IMMP2L: variants seen among roughly 807,000 people sequenced by gnomAD.
The protein encoded by IMMP2L is inner mitochondrial membrane peptidase subunit 2.
Under a neutral mutation model 19.3 loss-of-function variants are expected in IMMP2L, and 18 were observed. That is an observed-to-expected ratio of 0.93 (90% CI 0.64 to 1.38). The LOEUF is 1.38. IMMP2L is among the 40% of genes most tolerant of loss of function. IMMP2L has a pLI of 0.00. For missense variants in IMMP2L, 233 were observed against 218.2 expected, an observed-to-expected ratio of 1.07 and a Z score of -0.43; for synonymous variants, 76 against 73.0, an observed-to-expected ratio of 1.04 and a Z score of -0.21.
intron 3 of IMMP2L, among the ~76,000 whole-genome samples, chr7:111,428,802 T>C (rs1330096762): frequency 1.3e-5 from 2 of 151,842 alleles, no homozygotes; most frequent in East Asian, 1.9e-4. Flanking sequence ...CAAACAAATA[T>C]GTACATACTC....
In IMMP2L at chr7:111,434,699, G is replaced by A. The variant is rs112573153; in HGVS notation, c.239+52539C>T. 1.9e-4 allele frequency among the ~76,000 whole-genome samples: 29 copies of A among 151,642 alleles called. 1 individual carries two copies. Among genetic ancestry groups the A allele is most frequent in the African/African-American group, 4.4e-4 (18 of 41,096 alleles). ...CAGGATTACAGCTGGGATTACAGGC[G>A]CCTTCCACCATGCCCAGCTAATTTT... On this transcript the variant is annotated intron_variant, in intron 3 of 5. Coordinates refer to ENST00000405709, the MANE Select transcript of IMMP2L (RefSeq NM_032549.4).
At chr7:111,067,376 G>GT (rs553944959) in intron 3 of IMMP2L, among the ~76,000 whole-genome samples, 36 of 152,284 alleles carry the variant, frequency 2.4e-4, no homozygotes, top group African/African-American at 7.9e-4. Context: ...ATAAATAGGC[G>GT]TAACCTCTGC....
At chr7:110,936,113 C>T (rs1450383829) in intron 4 of IMMP2L, among the ~76,000 whole-genome samples, 1 of 152,190 alleles carries the variant, frequency 6.6e-6, no homozygotes, top group Non-Finnish European at 1.5e-5. Context: ...AAAACCTAGG[C>T]AACACTATTC....
At chr7:111,269,005 G>A (rs1369179429) in intron 3 of IMMP2L, among the ~76,000 whole-genome samples, 2 of 152,094 alleles carry the variant, frequency 1.3e-5, no homozygotes, top group Admixed American at 6.6e-5. Context: ...GGTGGAGCAA[G>A]GTCCAGTTAC....
At chr7:111,100,013 C>G (rs2129579797) in intron 3 of IMMP2L, 1 of 151,802 alleles carries the variant, frequency 6.6e-6, no homozygotes, top group Admixed American at 6.6e-5. Flanking sequence ...CATGAGGGAA[C>G]TGAGGCTTGA....
chr7:111,490,285 CT>C (rs768277536), intron 2 of IMMP2L, among the ~76,000 whole-genome samples: 343 of 138,678 alleles, frequency 2.5e-3, no homozygotes, highest in East Asian at 3.3e-3. Flanking sequence ...TTTTTTTTTC[CT>C]TTTTTTTTTT....
chr7:110,743,538 C>T (rs114737523), intron 5 of IMMP2L, among the ~76,000 whole-genome samples: 2,439 of 152,270 alleles, frequency 0.016, 69 homozygotes, highest in African/African-American at 0.056. Context: ...TAGTTCCCAG[C>T]GAGATCGACA....
chr7:111,302,023 C>G (rs952546406), intron 3 of IMMP2L, among the ~76,000 whole-genome samples: 1 of 146,290 alleles, frequency 6.8e-6, no homozygotes, highest in African/African-American at 2.5e-5. Context: ...CTGTACATGA[C>G]TAGATTCACC....
At chr7:111,473,325 C>T (rs1841434916) in intron 3 of IMMP2L, among the ~76,000 whole-genome samples, 2 of 152,028 alleles carry the variant, frequency 1.3e-5, no homozygotes, top group Non-Finnish European at 2.9e-5. Context: ...TCATCTATTC[C>T]AAAGTTATTC....
chr7:110,973,912 G>A (rs1820419157), intron 3 of IMMP2L, among the ~76,000 whole-genome samples: 1 of 152,066 alleles, frequency 6.6e-6, no homozygotes, highest in Non-Finnish European at 1.5e-5. Flanking sequence ...TTTAAAGAAA[G>A]AGTGGGAGAT....
At chr7:111,495,298 C>A (rs1264103661) in intron 2 of IMMP2L, among the ~76,000 whole-genome samples, 1 of 152,020 alleles carries the variant, frequency 6.6e-6, no homozygotes, top group Non-Finnish European at 1.5e-5. Flanking sequence ...TTATAATGAA[C>A]ATATATTTAG....
In IMMP2L at chr7:111,482,810, T is replaced by A. The variant is rs576771000; in HGVS notation, c.239+4428A>T. On this transcript the variant is annotated intron_variant, in intron 3 of 5. Transcript: ENST00000405709. ...AGCAACTGCCATTAACGTTAGTGCT[T>A]CTCTATTGAAAGAGAGTCTGGCATC... Among the ~76,000 whole-genome samples the A allele has an allele frequency of 3.4e-4, 51 of 152,226 alleles. 1 individual carries two copies. The South Asian group carries it at 9.3e-3, about 28-fold the overall frequency.
chr7:111,544,976 C>T (rs1411122979), intron 1 of IMMP2L, among the ~76,000 whole-genome samples: 6 of 151,974 alleles, frequency 3.9e-5, no homozygotes. Context: ...AACCCCAATC[C>T]TCTCTCTTAC....
chr7:111,027,929 A>G (rs1827026883), intron 3 of IMMP2L, among the ~76,000 whole-genome samples: 1 of 152,140 alleles, frequency 6.6e-6, no homozygotes. Flanking sequence ...ACAGACTAGG[A>G]GAAATGATTC....
intron 4 of IMMP2L, among the ~76,000 whole-genome samples, chr7:110,920,285 A>G (rs1248117653): frequency 6.6e-6 from 1 of 152,176 alleles, no homozygotes; most frequent in Non-Finnish European, 1.5e-5. Flanking sequence ...CCTCTAGGGA[A>G]CCCTAATACA....
At chr7:111,292,972 T>C (rs2129732745) in intron 3 of IMMP2L, among the ~76,000 whole-genome samples, 1 of 152,118 alleles carries the variant, frequency 6.6e-6, no homozygotes, top group East Asian at 1.9e-4. Flanking sequence ...ATATGAAGGA[T>C]GAAAGGCTGG....
At chr7:111,084,313 AAAAAAG>A (rs1796125870) in intron 3 of IMMP2L, among the ~76,000 whole-genome samples, 1 of 151,756 alleles carries the variant, frequency 6.6e-6, no homozygotes, top group Admixed American at 6.6e-5. Flanking sequence ...AAAAAAAAAA[AAAAAAG>A]AAAGGAAAAA....
intron 3 of IMMP2L, among the ~76,000 whole-genome samples, chr7:111,304,516 G>GTA (rs1822614315): frequency 6.6e-6 from 1 of 151,678 alleles, no homozygotes; most frequent in Non-Finnish European, 1.5e-5. Context: ...TATAAAATGT[G>GTA]TATATATACA....
rs151289747 is a variant in IMMP2L, at chr7:111,523,639, CT to C, written c.-2-2191del. ...CATAACATTCACCCAAACCAGTAAT[CT>C]TTTTATACCTAATCAAAATAATGTA... On this transcript the variant is annotated intron_variant, in intron 1 of 5. Transcript: ENST00000405709. Among the ~76,000 whole-genome samples the C allele has an allele frequency of 3.7e-3, 564 of 152,168 alleles. 5 individuals carry two copies. Among genetic ancestry groups the C allele is most frequent in the African/African-American group, 0.013 (525 of 41,536 alleles).
Sources: allele counts gnomAD v4.1 joint callset (sites outside exome capture counted in the v4.1 genomes callset), GRCh38; gene constraint gnomAD v4.1.1; transcripts MANE v1.5; gene names NCBI Gene and HGNC (gene_info 2026-07-23, HGNC 2026-07-21).